Variants in SASH1 observed in about 807,000 individuals in gnomAD.
SASH1 encodes SAM and SH3 domain containing 1.
In SASH1, 44 loss-of-function variants were observed where a neutral mutation model predicts 125.2. The ratio of observed to expected loss-of-function variants is 0.35; its 90% confidence interval spans 0.28 to 0.45. The LOEUF (loss-of-function observed/expected upper bound fraction) is 0.45, where lower values mean the gene tolerates loss of function less well. Among genes scored for constraint, SASH1 ranks in the 20% least tolerant of loss-of-function variants. SASH1 has a pLI of 1.00. For missense variants in SASH1, 1,426 were observed against 1,614.5 expected (o/e 0.88, Z 2.00); for synonymous variants, 639 against 649.1 (o/e 0.98, Z 0.24).
chr6:148,354,357 A>T (rs1016890429), intron 1 of SASH1, among the ~76,000 whole-genome samples: 6 of 152,234 alleles, frequency 3.9e-5, no homozygotes, highest in Non-Finnish European at 8.8e-5. Context: ...AGAGCTTTTG[A>T]ATAGTTTACT....
At chr6:148,295,657 G>C (rs1439186920) in intron 1 of SASH1, among the ~76,000 whole-genome samples, 1 of 152,232 alleles carries the variant, frequency 6.6e-6, no homozygotes, top group Non-Finnish European at 1.5e-5. Context: ...GATACATTCA[G>C]TTTAAGCTGA....
rs911052325 is a variant in SASH1, at chr6:148,532,406, C to T, written c.1565-391C>T. On this transcript the variant is annotated intron_variant, in intron 13 of 19. Transcript: ENST00000367467. The surrounding 1 kb of genome is among the most constrained non-coding windows in gnomAD (Gnocchi z 4.7). ...CTACCACTTTAAGCTCTTTCTTACC[C>T]TTTTGGGCAAATGACATGACTGCTC... Among the ~76,000 whole-genome samples the T allele has an allele frequency of 6.6e-5, 10 of 152,232 alleles. No individual in the cohort carries two copies. Among genetic ancestry groups the T allele is most frequent in the African/African-American group, 2.2e-4 (9 of 41,460 alleles).
At chr6:148,356,823 T>C (rs1358530385) in intron 1 of SASH1, among the ~76,000 whole-genome samples, 1 of 152,186 alleles carries the variant, frequency 6.6e-6, no homozygotes. Context: ...AGTGTAAAAG[T>C]GTTTTCCCTT....
chr6:148,464,307 A>G (rs1777742206), intron 4 of SASH1, among the ~76,000 whole-genome samples: 1 of 152,230 alleles, frequency 6.6e-6, no homozygotes, highest in African/African-American at 2.4e-5. Context: ...GAGACTTTAA[A>G]TCCAATACTT....
chr6:148,374,392 T>C (rs1344916482), intron 1 of SASH1, among the ~76,000 whole-genome samples: 1 of 152,192 alleles, frequency 6.6e-6, no homozygotes, highest in Non-Finnish European at 1.5e-5. Context: ...TGAAATGAAT[T>C]GCTCTTTCAA....
chr6:148,450,780 A>T (rs1320950025), intron 4 of SASH1, among the ~76,000 whole-genome samples: 1 of 151,784 alleles, frequency 6.6e-6, no homozygotes, highest in African/African-American at 2.4e-5. Flanking sequence ...AGAGGCAAAC[A>T]TCTCAATCCA....
the SASH1 span, among the ~76,000 whole-genome samples, chr6:148,266,969 C>T: frequency 6.6e-6 from 1 of 152,056 alleles, no homozygotes; most frequent in African/African-American, 2.4e-5. Flanking sequence ...GGAGCCAGGG[C>T]ACATAGAGAG....
At chr6:148,444,843 A>G (rs56404610) in intron 4 of SASH1, among the ~76,000 whole-genome samples, 63,507 of 152,042 alleles carry the variant, frequency 0.42, 13,639 homozygotes, top group African/African-American at 0.5. Context: ...GCTACTCCAT[A>G]GGCAGAGCAG....
Position 148,501,276 on chromosome 6 carries a change from G to T in SASH1, c.730-13048G>T, listed in dbSNP as rs571513131. 1.1e-4 allele frequency among the ~76,000 whole-genome samples: 17 copies of T among 152,244 alleles called. No individual in the cohort carries two copies. In the South Asian group the frequency reaches 3.5e-3, roughly 32 times the overall value. ...TCGTGCCTGATACATGAGTCATTCA[G>T]CCTAAGATGCCATAAAAGTAATGTG... On this transcript the variant is annotated intron_variant, in intron 8 of 19. Coordinates refer to ENST00000367467, the MANE Select transcript of SASH1 (RefSeq NM_015278.5).
chr6:148,330,708 C>T (rs1780969082), intron 1 of SASH1, among the ~76,000 whole-genome samples: 2 of 152,160 alleles, frequency 1.3e-5, no homozygotes, highest in Non-Finnish European at 2.9e-5. Context: ...GCCTCACCCT[C>T]CCAAGTAGCT....
the SASH1 span, among the ~76,000 whole-genome samples, chr6:148,224,433 T>G: frequency 6.6e-6 from 1 of 151,988 alleles, no homozygotes; most frequent in Non-Finnish European, 1.5e-5. Context: ...CGATCTTGGC[T>G]CACTACAACT....
At chr6:148,402,597 C>G (rs943769750) in intron 2 of SASH1, among the ~76,000 whole-genome samples, 6 of 149,650 alleles carry the variant, frequency 4.0e-5, no homozygotes, top group South Asian at 2.1e-4. Context: ...GGGTGAGCCA[C>G]TGCGACCGGC....
At chr6:148,301,886 C>T (rs181871425) in intron 1 of SASH1, among the ~76,000 whole-genome samples, 41 of 151,310 alleles carry the variant, frequency 2.7e-4, no homozygotes, top group African/African-American at 8.7e-4. Context: ...CATGAGCCAC[C>T]GCACCCAACC....
At chr6:148,414,642 C>T (rs1784749977) in intron 2 of SASH1, among the ~76,000 whole-genome samples, 1 of 152,264 alleles carries the variant, frequency 6.6e-6, no homozygotes, top group Non-Finnish European at 1.5e-5. Flanking sequence ...AGTGTCTGCT[C>T]TTGTGGAGCT....
At chr6:148,243,779 C>T in the SASH1 span, among the ~76,000 whole-genome samples, 6 of 151,360 alleles carry the variant, frequency 4.0e-5, no homozygotes, top group East Asian at 3.9e-4. Context: ...GCTTTATAAA[C>T]GTGTTAGTAA....
intron 1 of SASH1, among the ~76,000 whole-genome samples, chr6:148,354,784 A>G (rs950752594): frequency 2.0e-5 from 3 of 152,136 alleles, no homozygotes; most frequent in Admixed American, 6.5e-5. Context: ...TTCCCGCGAG[A>G]TGGAGTCTTG....
intron 10 of SASH1, 141 bp from the exon 11 acceptor site, chr6:148,525,150 A>G (rs1173075411): frequency 3.0e-6 from 2 of 672,244 alleles, no homozygotes; most frequent in Non-Finnish European, 2.7e-6. Flanking sequence ...TTTTTTTCTC[A>G]TCATTTCTCG....
intron 2 of SASH1, among the ~76,000 whole-genome samples, chr6:148,399,985 G>A (rs180893785): frequency 9.8e-5 from 15 of 152,320 alleles, no homozygotes; most frequent in Admixed American, 9.1e-4. Context: ...GAAGATTACA[G>A]TATAATTTAT....
At chr6:148,283,082 A>G (rs1441271017) in intron 1 of SASH1, among the ~76,000 whole-genome samples, 11 of 152,188 alleles carry the variant, frequency 7.2e-5, no homozygotes, top group African/African-American at 2.7e-4. Flanking sequence ...GAAAGCTTAG[A>G]ATGTGCTTGC....
Sources: gnomAD v4.1 joint callset for allele counts (sites outside exome capture counted in the v4.1 genomes callset) on GRCh38, gnomAD v4.1.1 for gene constraint, Gnocchi (gnomAD v3.1) non-coding constraint, MANE v1.5 for transcripts, NCBI Gene and HGNC (gene_info 2026-07-23, HGNC 2026-07-21) for gene names.